The following LRRTM4 variants were observed in gnomAD, a reference collection of about 807,000 sequenced individuals.
LRRTM4 encodes the protein leucine-rich repeat transmembrane neuronal protein 4.
LRRTM4 carries 25 observed loss-of-function variants against 47.6 expected under a neutral mutation model. The observed-to-expected ratio is 0.53, with a 90% CI of 0.38 to 0.73. The LOEUF is 0.73. Among genes scored for constraint, LRRTM4 ranks in the 30% least tolerant of loss-of-function variants. LRRTM4 has a pLI of 0.00. For missense variants in LRRTM4, 638 were observed against 713.4 expected, an observed-to-expected ratio of 0.89 and a Z score of 1.20; for synonymous variants, 311 against 269.5, an observed-to-expected ratio of 1.15 and a Z score of -1.51.
chr2:77,136,344 G>A lies in LRRTM4; in HGVS notation c.1551+381974C>T, dbSNP rs142740537. ...CAATATTTGCTGTTCTGCAGCCTCCGCTGCTGATACCCAGGCAAACAGGGT... is the reference window on the plus strand; with the variant it reads ...CAATATTTGCTGTTCTGCAGCCTCCACTGCTGATACCCAGGCAAACAGGGT... On this transcript the variant is annotated intron_variant, in intron 3 of 3. Coordinates refer to ENST00000409884, the MANE Select transcript of LRRTM4 (RefSeq NM_001134745.3). Among the ~76,000 whole-genome samples the A allele has an allele frequency of 1.4e-3, 208 of 152,228 alleles. 1 individual carries two copies. Among genetic ancestry groups the A allele is most frequent in the Middle Eastern group, 6.8e-3 (2 of 294 alleles).
intron 3 of LRRTM4, among the ~76,000 whole-genome samples, chr2:76,927,214 G>T (rs984855184): frequency 2.0e-5 from 3 of 151,958 alleles, no homozygotes; most frequent in African/African-American, 7.2e-5. Context: ...ACCATCTTAG[G>T]AGTTACCATA....
intron 3 of LRRTM4, among the ~76,000 whole-genome samples, chr2:77,388,302 C>T (rs1478443720): frequency 1.3e-5 from 2 of 152,046 alleles, no homozygotes; most frequent in Non-Finnish European, 2.9e-5. Context: ...TAAGGTCATA[C>T]CGTGCAGTTG....
chr2:77,118,311 G>GA (rs1385872617), intron 3 of LRRTM4, among the ~76,000 whole-genome samples: 1 of 151,048 alleles, frequency 6.6e-6, no homozygotes, highest in Non-Finnish European at 1.5e-5. Flanking sequence ...ATAATATCGA[G>GA]AAAAAAAAGA....
intron 3 of LRRTM4, among the ~76,000 whole-genome samples, chr2:77,469,880 A>G (rs986706078): frequency 2.0e-5 from 3 of 152,160 alleles, no homozygotes; most frequent in South Asian, 2.1e-4. Flanking sequence ...CATATGAGGC[A>G]GATATAATTG....
At chr2:76,881,555 G>C (rs551851765) in intron 3 of LRRTM4, among the ~76,000 whole-genome samples, 1 of 143,410 alleles carries the variant, frequency 7.0e-6, no homozygotes, top group African/African-American at 2.6e-5. Flanking sequence ...CTGAATTTAT[G>C]TTAATGTGAT....
intron 3 of LRRTM4, among the ~76,000 whole-genome samples, chr2:76,775,820 A>C (rs55799726): frequency 0.12 from 18,975 of 151,862 alleles, 1,509 homozygotes; most frequent in Non-Finnish European, 0.18. Context: ...GGTTAGTTAC[A>C]TATGTATACA....
Position 77,220,109 on chromosome 2 carries a change from C to T in LRRTM4, c.1551+298209G>A, listed in dbSNP as rs183096167. On this transcript the variant is annotated intron_variant, in intron 3 of 3. Transcript: ENST00000409884. The stretch of plus-strand genomic sequence containing the variant: ...CCAGGCAAACAGGGTCTGGAGTGGA[C>T]CTCCAGCAAACTCCAACAGACGTGC... Among the ~76,000 whole-genome samples the T allele has an allele frequency of 3.0e-3, 457 of 152,252 alleles. 3 individuals are homozygous for T. Among genetic ancestry groups the T allele is most frequent in the Non-Finnish European group, 3.9e-3 (263 of 68,018 alleles).
At chr2:77,374,381 C>T (rs776787236) in intron 3 of LRRTM4, among the ~76,000 whole-genome samples, 1 of 151,746 alleles carries the variant, frequency 6.6e-6, no homozygotes, top group Non-Finnish European at 1.5e-5. Context: ...AAAATGATAT[C>T]CCAGGTTCTA....
intron 3 of LRRTM4, among the ~76,000 whole-genome samples, chr2:76,801,213 A>G (rs1476903083): frequency 6.6e-6 from 1 of 152,170 alleles, no homozygotes; most frequent in African/African-American, 2.4e-5. Flanking sequence ...ACACATGCAC[A>G]CATATGTTTA....
chr2:77,313,250 C>T (rs1677512096), intron 3 of LRRTM4, among the ~76,000 whole-genome samples: 1 of 151,216 alleles, frequency 6.6e-6, no homozygotes. Flanking sequence ...ATGTGCCTCC[C>T]TACTTTTTCC....
chr2:77,219,729 C>T (rs1573095197), intron 3 of LRRTM4, among the ~76,000 whole-genome samples: 1 of 152,146 alleles, frequency 6.6e-6, no homozygotes, highest in South Asian at 2.1e-4. Context: ...AGCTGTGCAA[C>T]TTCAGGGAGG....
At chr2:77,306,897 A>ATTTTTTTT (rs774697360) in intron 3 of LRRTM4, among the ~76,000 whole-genome samples, 1,746 of 112,196 alleles carry the variant, frequency 0.016, 83 homozygotes, top group East Asian at 0.04. Flanking sequence ...GCTTTTCCAT[A>ATTTTTTTT]TTTTTTTTTT....
chr2:77,212,470 TATATAGAGAG>T (rs1558635936), intron 3 of LRRTM4, among the ~76,000 whole-genome samples: 1 of 146,268 alleles, frequency 6.8e-6, no homozygotes, highest in Non-Finnish European at 1.5e-5. Flanking sequence ...TATATATATA[TATATAGAGAG>T]AGAGAGAGAG....
At chr2:77,206,437 G>A (rs1044815591) in intron 3 of LRRTM4, among the ~76,000 whole-genome samples, 5 of 151,664 alleles carry the variant, frequency 3.3e-5, no homozygotes, top group South Asian at 2.1e-4. Flanking sequence ...CACCCACCTC[G>A]GCCTCCTAAA....
rs530023341 is a variant in LRRTM4, at chr2:77,274,255, T to C, written c.1551+244063A>G. On this transcript the variant is annotated intron_variant, in intron 3 of 3. Coordinates refer to ENST00000409884, the MANE Select transcript of LRRTM4 (RefSeq NM_001134745.3). Reference sequence around the variant, plus strand: ...TACCCAATAATTTATCACGAAAAGGTTAATGAGCATCCAGATGAGATAAAA... The same window carrying C: ...TACCCAATAATTTATCACGAAAAGGCTAATGAGCATCCAGATGAGATAAAA... Among the ~76,000 whole-genome samples, 218 of 152,212 alleles carry C rather than the reference T, an allele frequency of 1.4e-3. 1 individual carries two copies. The highest frequency in any genetic ancestry group is 5.1e-3 in the African/African-American group (211 of 41,536).
At chr2:76,775,396 G>A (rs564807357) in intron 3 of LRRTM4, among the ~76,000 whole-genome samples, 1 of 152,140 alleles carries the variant, frequency 6.6e-6, no homozygotes, top group African/African-American at 2.4e-5. Context: ...AGGGCAAGTA[G>A]ACCATGTAGA....
chr2:77,305,357 T>C (rs1677244038), intron 3 of LRRTM4, among the ~76,000 whole-genome samples: 1 of 152,100 alleles, frequency 6.6e-6, no homozygotes, highest in African/African-American at 2.4e-5. Context: ...TGTTAAGAGA[T>C]GTGCTTGAAT....
At chr2:77,376,849 A>G (rs1327191109) in intron 3 of LRRTM4, among the ~76,000 whole-genome samples, 1 of 151,860 alleles carries the variant, frequency 6.6e-6, no homozygotes, top group East Asian at 1.9e-4. Flanking sequence ...TTGGAAACCA[A>G]TCACTAAGCA....
At chr2:77,435,938 G>T (rs1303143450) in intron 3 of LRRTM4, among the ~76,000 whole-genome samples, 1 of 152,020 alleles carries the variant, frequency 6.6e-6, no homozygotes, top group African/African-American at 2.4e-5. Context: ...AAATATCAAG[G>T]ATTAATGGTA....
Sources: allele counts gnomAD v4.1 joint callset (sites outside exome capture counted in the v4.1 genomes callset), GRCh38; gene constraint gnomAD v4.1.1; transcripts MANE v1.5; gene names NCBI Gene and HGNC (gene_info 2026-07-23, HGNC 2026-07-21).